Variants in ALDH6A1 observed in about 807,000 individuals in gnomAD.
The protein encoded by ALDH6A1 is aldehyde dehydrogenase 6 family member A1, also known as methylmalonate-semialdehyde/malonate-semialdehyde dehydrogenase [acylating], mitochondrial.
Under a neutral mutation model 62.6 loss-of-function variants are expected in ALDH6A1, and 43 were observed. The observed-to-expected ratio is 0.69, with a 90% CI of 0.54 to 0.89. ALDH6A1 has a LOEUF of 0.89. ALDH6A1 is among the 40% of genes least tolerant of loss of function. ALDH6A1 has a pLI of 0.00. For missense variants in ALDH6A1, 551 were observed against 661.3 expected (o/e 0.83, Z 1.83); for synonymous variants, 194 against 234.2 (o/e 0.83, Z 1.57).
chr14:74,076,519 G>A (rs1308369246), intron 1 of ALDH6A1, among the ~76,000 whole-genome samples: 2 of 151,768 alleles, frequency 1.3e-5, no homozygotes, highest in East Asian at 3.9e-4. Flanking sequence ...CTGCCACCAC[G>A]CCCAGCTAAT....
At position 74,057,610 on chromosome 14, in the gene ALDH6A1, C is replaced by A; in HGVS notation, c.*3032G>T. 7.5e-7 allele frequency: 1 copy of A among 1,337,730 alleles called. No individual in the cohort carries two copies. The highest frequency in any genetic ancestry group is 9.7e-7 in the Non-Finnish European group (1 of 1,026,994). 82.9% of individuals were successfully genotyped at this position (1,337,730 alleles called of 1,614,324 possible). On this transcript the variant is annotated 3_prime_UTR_variant, in exon 12 of 12. Coordinates refer to ENST00000553458, the MANE Select transcript of ALDH6A1 (RefSeq NM_005589.4). Reference sequence around the variant, plus strand: ...AGGTGGGAAGTCAGAGTCATTACAACCTAGAGGACAAAGGCTTATAAGGAG... The same window carrying A: ...AGGTGGGAAGTCAGAGTCATTACAAACTAGAGGACAAAGGCTTATAAGGAG...
chr14:74,065,326 C>T lies in ALDH6A1; in HGVS notation c.1259G>A (p.Gly420Asp). The change falls in exon 10 of 12, where the codon GGT becomes GAT. Residue 420 changes from glycine to aspartate, a missense_variant. Gly to Asp is a moderately conservative substitution (Grantham distance 94, BLOSUM62 -1). Transcript: ENST00000553458. Reference protein sequence around the residue: ...NMTCYKEEIFGPVLVVLETET... With the variant: ...NMTCYKEEIFDPVLVVLETET... ...TGTCTCCAGAACCACAAGAACTGGA[C>T]CAAAAATCTCCTCTTTGTAACAGGT... The T allele has an allele frequency of 6.2e-7, 1 of 1,614,048 alleles. No homozygotes were observed.
intron 1 of ALDH6A1, among the ~76,000 whole-genome samples, chr14:74,081,888 G>A (rs934071672): frequency 6.6e-6 from 1 of 152,184 alleles, no homozygotes; most frequent in Non-Finnish European, 1.5e-5. Context: ...ATCACCGACA[G>A]TGCAAGTCGC....
chr14:74,069,092 T>C (rs2060512724), intron 6 of ALDH6A1, 111 bp from the exon 7 acceptor site: 2 of 1,111,694 alleles, frequency 1.8e-6, no homozygotes, highest in Non-Finnish European at 2.5e-6. Context: ...TGTTTTTCTT[T>C]TACTTTTTCT....
chr14:74,083,464 A>G (rs2060690127), intron 1 of ALDH6A1, among the ~76,000 whole-genome samples: 1 of 152,198 alleles, frequency 6.6e-6, no homozygotes, highest in Admixed American at 6.5e-5. Context: ...GGCTTCAGAG[A>G]GGACTCAATC....
rs900706052 is a variant in ALDH6A1 at position 74,070,897 on chromosome 14, C to T, written c.730+298G>A. The stretch of plus-strand genomic sequence containing the variant: ...ATCTGCAAATTCTCTGAATTAAATA[C>T]CCTCATGTATTCTCTTCACACTGAA... On this transcript the variant is annotated intron_variant, in intron 6 of 11. Coordinates refer to ENST00000553458, the MANE Select transcript of ALDH6A1 (RefSeq NM_005589.4). The T allele has an allele frequency of 1.7e-4, 64 of 373,352 alleles. 2 individuals carry two copies. The South Asian group carries it at 1.7e-3, about 10-fold the overall frequency. 23.1% of individuals were successfully genotyped at this position (373,352 alleles called of 1,614,324 possible). A position where few individuals can be genotyped will look rare whatever the true frequency, so the allele number is the denominator to read the frequency against.
intron 1 of ALDH6A1, chr14:74,081,324 C>T (rs2060665948): frequency 6.6e-6 from 1 of 152,152 alleles, no homozygotes; most frequent in Non-Finnish European, 1.5e-5. Context: ...TGAGTACTCG[C>T]CAAGCAATCA....
intron 2 of ALDH6A1, among the ~76,000 whole-genome samples, chr14:74,073,240 A>G (rs2060574125): frequency 6.6e-6 from 1 of 152,054 alleles, no homozygotes. Flanking sequence ...AGCAGCTGGG[A>G]CTACAGGCAC....
In ALDH6A1 at chr14:74,071,667, G is replaced by T. The variant is rs115995414; in HGVS notation, c.428-170C>A. The T allele has an allele frequency of 3.2e-3, 4,845 of 1,524,008 alleles. 120 individuals carry two copies. In the African/African-American group the frequency reaches 0.056, roughly 18 times the overall value. 94.4% of individuals were successfully genotyped at this position (1,524,008 alleles called of 1,614,324 possible). On this transcript the variant is annotated intron_variant, in intron 5 of 11. Coordinates refer to ENST00000553458, the MANE Select transcript of ALDH6A1 (RefSeq NM_005589.4). ...TTGTGCAAAATGAGATTCTCTGAAT[G>T]GGAAAAATACAGCGATATGTATATA...
Position 74,067,503 on chromosome 14 carries a change from C to T in ALDH6A1, c.919G>A (p.Gly307Arg), listed in dbSNP as rs373688564. The change falls in exon 8 of 12, where the codon GGG becomes AGG. Residue 307 changes from glycine (G) to arginine (R), a missense_variant. By Grantham distance (125) the Gly-to-Arg change is moderately radical. Coordinates refer to ENST00000553458, the MANE Select transcript of ALDH6A1 (RefSeq NM_005589.4). Reference protein sequence around the residue: ...NKENTLNQLVGAAFGAAGQRC... With the variant: ...NKENTLNQLVRAAFGAAGQRC... Reference sequence around the variant, plus strand: ...TGACCAGCAGCTCCAAATGCTGCCCCAACCAGCTGGTTCAGGGTATTTTCC... The same window carrying T: ...TGACCAGCAGCTCCAAATGCTGCCCTAACCAGCTGGTTCAGGGTATTTTCC... 5.8e-5 allele frequency: 94 copies of T among 1,614,208 alleles called. No homozygotes were observed. The highest frequency in any genetic ancestry group is 7.4e-5 in the Non-Finnish European group (87 of 1,180,040).
rs189817932 is a variant in ALDH6A1, at chr14:74,057,022, C to T, written c.*3620G>A. 1.3e-5 allele frequency: 21 copies of T among 1,581,692 alleles called. No individual in the cohort carries two copies. The East Asian group carries it at 4.0e-4, about 30-fold the overall frequency. On this transcript the variant is annotated 3_prime_UTR_variant, in exon 12 of 12. Coordinates refer to ENST00000553458, the MANE Select transcript of ALDH6A1 (RefSeq NM_005589.4). ...TTAAGTAATAAACATGAGCCCAACA[C>T]GATGGTTCTTGTGGGCATCTTGAAT... is the stretch of plus-strand genomic sequence containing the variant.
intron 6 of ALDH6A1, among the ~76,000 whole-genome samples, chr14:74,069,776 T>C (rs2060523486): frequency 1.3e-5 from 2 of 151,154 alleles, no homozygotes; most frequent in South Asian, 4.2e-4. Flanking sequence ...AATATAAAAA[T>C]AAATTCTATT....
At chr14:74,076,850 T>C (rs1345429387) in intron 1 of ALDH6A1, among the ~76,000 whole-genome samples, 1 of 152,134 alleles carries the variant, frequency 6.6e-6, no homozygotes, top group African/African-American at 2.4e-5. Flanking sequence ...GCACCCAGCC[T>C]ATATATATGT....
At position 74,059,284 on chromosome 14, in the gene ALDH6A1, T is replaced by C. The variant is rs1478807891; in HGVS notation, c.*1358A>G. ...AGGCAAGAGAAAAGAATATATAAAA[T>C]TTGGCAAGTAATAGCAGGTTAGATT... On this transcript the variant is annotated 3_prime_UTR_variant, in exon 12 of 12. Coordinates refer to ENST00000553458, the MANE Select transcript of ALDH6A1 (RefSeq NM_005589.4). 2 of 408,144 alleles carry C rather than the reference T, an allele frequency of 4.9e-6. No homozygotes were observed. Among genetic ancestry groups the C allele is most frequent in the Admixed American group, 5.9e-5 (2 of 34,138 alleles). 25.3% of individuals were successfully genotyped at this position (408,144 alleles called of 1,614,324 possible). A position where few individuals can be genotyped will look rare whatever the true frequency, so the allele number is the denominator to read the frequency against.
intron 11 of ALDH6A1, among the ~76,000 whole-genome samples, chr14:74,064,011 T>A (rs7143118): frequency 0.17 from 25,281 of 151,796 alleles, 2,607 homozygotes; most frequent in East Asian, 0.57. Flanking sequence ...AAATAATGTC[T>A]GCTACAGACC....
chr14:74,078,577 G>T lies in ALDH6A1; in HGVS notation c.49-3560C>A, dbSNP rs199503911. Reference sequence around the variant, plus strand: ...GAGTCTCACTCTGTCACCCAGGCTGGAGTGCAGTGGTGCAATCTTGGCTCA... The same window carrying T: ...GAGTCTCACTCTGTCACCCAGGCTGTAGTGCAGTGGTGCAATCTTGGCTCA... On this transcript the variant is annotated intron_variant, in intron 1 of 11. Transcript: ENST00000553458. Among the ~76,000 whole-genome samples the T allele has an allele frequency of 1.4e-4, 21 of 152,144 alleles. No homozygotes were observed. The East Asian group carries it at 2.3e-3, about 17-fold the overall frequency.
At chr14:74,069,110 T>C in intron 6 of ALDH6A1, 129 bp from the exon 7 acceptor site, 5 of 1,108,048 alleles carry the variant, frequency 4.5e-6, no homozygotes, top group Admixed American at 2.7e-5. Flanking sequence ...TCTTTTTTTT[T>C]TTTTTTTTTT....
chr14:74,080,492 C>T (rs538371017), intron 1 of ALDH6A1, among the ~76,000 whole-genome samples: 3 of 152,066 alleles, frequency 2.0e-5, no homozygotes, highest in Non-Finnish European at 4.4e-5. Context: ...CTTAGCCTCC[C>T]AAGTACCTGG....
intron 1 of ALDH6A1, among the ~76,000 whole-genome samples, chr14:74,077,692 C>A (rs1485093589): frequency 6.6e-6 from 1 of 152,186 alleles, no homozygotes; most frequent in African/African-American, 2.4e-5. Flanking sequence ...GACCCAAACA[C>A]CTCCCACTAG....
Sources: allele counts gnomAD v4.1 joint callset (sites outside exome capture counted in the v4.1 genomes callset), GRCh38; gene constraint gnomAD v4.1.1; transcripts MANE v1.5; gene names NCBI Gene and HGNC (gene_info 2026-07-23, HGNC 2026-07-21).